DMD: variants seen among roughly 807,000 people sequenced by gnomAD.
The protein encoded by DMD is mutant dystrophin.
In DMD, 63 loss-of-function variants were observed where a neutral mutation model predicts 330.1. The observed-to-expected ratio is 0.19, with a 90% CI of 0.16 to 0.24. The LOEUF (loss-of-function observed/expected upper bound fraction) is 0.24. Among genes scored for constraint, DMD ranks in the 10% least tolerant of loss-of-function variants. The probability of loss-of-function intolerance (pLI) is 1.00; values close to 1 mark genes in which losing one functional copy is unlikely to be tolerated. For missense variants in DMD, 3,344 were observed against 2,684.1 expected (o/e 1.25, Z -5.43); for synonymous variants, 1,223 against 959.8 (o/e 1.27, Z -5.07).
At chrX:32,737,994 A>G in intron 7 of DMD, among the ~76,000 whole-genome samples, 1 of 111,934 alleles carries the variant, frequency 8.9e-6, no homozygotes, top group South Asian at 3.7e-4. Flanking sequence ...AAACGGCTTC[A>G]TATAGAGTTG....
At chrX:31,190,181 G>T (rs761467964) in intron 67 of DMD, among the ~76,000 whole-genome samples, 2 of 111,975 alleles carry the variant, frequency 1.8e-5, no homozygotes, top group South Asian at 7.5e-4. Context: ...CGCCAAATAT[G>T]TTAAATTTAT....
Position 32,156,454 on chromosome X carries a change from C to A in DMD, c.6438+60462G>T, listed in dbSNP as rs771490126. Among the ~76,000 whole-genome samples, 7 of 112,226 alleles carry A rather than the reference C, an allele frequency of 6.2e-5. No individual in the cohort carries two copies. The East Asian group carries it at 2.0e-3, about 32-fold the overall frequency. On this transcript the variant is annotated intron_variant, in intron 44 of 78. Transcript: ENST00000357033. ...CAATACTTAGAAAGTTTGTTGAAAA[C>A]CGTATGTATTATTTGCTTATTGCCC...
At chrX:32,302,253 G>A (rs776596825) in intron 42 of DMD, among the ~76,000 whole-genome samples, 2 of 111,063 alleles carry the variant, frequency 1.8e-5, no homozygotes, top group Non-Finnish European at 1.9e-5. Flanking sequence ...ATGACTTTGC[G>A]CAACTGTAGG....
intron 45 of DMD, among the ~76,000 whole-genome samples, chrX:31,961,673 G>A (rs1180261765): frequency 2.8e-5 from 3 of 108,308 alleles, no homozygotes; most frequent in Non-Finnish European, 3.8e-5. Context: ...GTTAAGATGA[G>A]TCTTAAGGGA....
intron 29 of DMD, 61 bp downstream of exon 29, chrX:32,438,180 C>G (rs2098268642): frequency 9.0e-7 from 1 of 1,111,254 alleles, no homozygotes; most frequent in Admixed American, 2.2e-5. Context: ...ATCTGAGAGG[C>G]CTGTATCTGC....
At chrX:32,691,386 A>T (rs1265209454) in intron 9 of DMD, among the ~76,000 whole-genome samples, 1 of 110,950 alleles carries the variant, frequency 9.0e-6, no homozygotes, top group Non-Finnish European at 1.9e-5. Context: ...TTCTCCAAAG[A>T]CGACACCCAA....
At chrX:32,285,520 C>G (rs2097436717) in intron 43 of DMD, among the ~76,000 whole-genome samples, 1 of 111,283 alleles carries the variant, frequency 9.0e-6, no homozygotes, top group African/African-American at 3.3e-5. Context: ...CTCAAGTGAC[C>G]CTCCTGCCTC....
chrX:31,314,484 G>T (rs185577294), intron 62 of DMD, among the ~76,000 whole-genome samples: 4 of 111,794 alleles, frequency 3.6e-5, no homozygotes, highest in Non-Finnish European at 7.5e-5. Flanking sequence ...AAAAGCAGTT[G>T]AGAGTTTCAG....
rs1432682159 is a variant in DMD at position 32,828,917 on chromosome X, T to C, written c.265-5530A>G. Among the ~76,000 whole-genome samples the C allele has an allele frequency of 4.5e-5, 5 of 111,783 alleles. No homozygotes were observed. In the East Asian group the frequency reaches 1.4e-3, roughly 32 times the overall value. ...GTATCACTGACCTATTACAATTCCA[T>C]GTGTGAATTGTCTGTTAATATGTTT... is the stretch of plus-strand genomic sequence containing the variant. On this transcript the variant is annotated intron_variant, in intron 4 of 78. Coordinates refer to ENST00000357033, the MANE Select transcript of DMD (RefSeq NM_004006.3).
intron 60 of DMD, among the ~76,000 whole-genome samples, chrX:31,387,828 A>T (rs1006286601): frequency 1.8e-5 from 2 of 111,253 alleles, no homozygotes; most frequent in Admixed American, 1.9e-4. Context: ...GTCTTTCCTC[A>T]AATGTCACCT....
At chrX:32,945,907 A>G (rs980236387) in intron 2 of DMD, among the ~76,000 whole-genome samples, 2 of 111,434 alleles carry the variant, frequency 1.8e-5, no homozygotes, top group African/African-American at 3.3e-5. Flanking sequence ...TAAATCTGCT[A>G]TGTTTTATAA....
intron 50 of DMD, among the ~76,000 whole-genome samples, chrX:31,778,538 A>C (rs1009616839): frequency 9.2e-6 from 1 of 108,977 alleles, no homozygotes; most frequent in Non-Finnish European, 1.9e-5. Context: ...AAAGTGTTTC[A>C]AAGGACAGAA....
intron 44 of DMD, among the ~76,000 whole-genome samples, chrX:32,130,923 G>A (rs1046299527): frequency 1.1e-4 from 12 of 112,043 alleles, no homozygotes; most frequent in East Asian, 8.4e-4. Context: ...GCTGGCTCAT[G>A]CCCGTAATCC....
intron 44 of DMD, among the ~76,000 whole-genome samples, chrX:32,205,005 T>TCTCTCTCTCTCA (rs60181300): frequency 1.0e-4 from 3 of 29,240 alleles, no homozygotes; most frequent in African/African-American, 3.4e-4. Flanking sequence ...TCTCTCTCTC[T>TCTCTCTCTCTCA]CACATACACA....
chrX:32,777,285 G>GC (rs2074274945), intron 7 of DMD, among the ~76,000 whole-genome samples: 1 of 52,735 alleles, frequency 1.9e-5, no homozygotes, highest in Non-Finnish European at 3.6e-5. Context: ...GTTGGGGGGG[G>GC]AATCCTACCA....
chrX:32,622,209 G>A (rs2058045271), intron 11 of DMD, among the ~76,000 whole-genome samples: 1 of 111,311 alleles, frequency 9.0e-6, no homozygotes, highest in Non-Finnish European at 1.9e-5. Context: ...TTCTACCTGA[G>A]GCTCCAAAAA....
chrX:33,132,059 A>T (rs2095502814), intron 1 of DMD, among the ~76,000 whole-genome samples: 1 of 111,875 alleles, frequency 8.9e-6, no homozygotes, highest in Non-Finnish European at 1.9e-5. Flanking sequence ...ATAATCCTCA[A>T]CTCCTCTTCA....
chrX:32,736,064 T>G (rs1349965770), intron 7 of DMD, among the ~76,000 whole-genome samples: 2 of 110,811 alleles, frequency 1.8e-5, no homozygotes, highest in African/African-American at 6.6e-5. Context: ...TCAAACAAAT[T>G]TACAAGAAAA....
In DMD at chrX:31,836,784, A is replaced by T. The variant is rs1286570852; in HGVS notation, c.7134T>A (p.Asp2378Glu). 8.3e-7 allele frequency: 1 copy of T among 1,209,838 alleles called. No individual in the cohort carries two copies. Among genetic ancestry groups the T allele is most frequent in the Admixed American group, 2.2e-5 (1 of 45,713 alleles). The part of the protein sequence containing the change: ...TEIAVQAKQP[D>E]VEEILSKGQH... ...GCCCTTTAGACAAAATCTCTTCCAC[A>T]TCCGGTTGTTTAGCTTGAACTGCTA... The change falls in exon 49 of 79, where the codon GAT (aspartate) becomes GAA (glutamate). Residue 2378 changes from aspartate (D) to glutamate (E), a missense_variant. Asp to Glu is a conservative substitution (Grantham distance 45). Coordinates refer to ENST00000357033, the MANE Select transcript of DMD (RefSeq NM_004006.3).
Sources: gnomAD v4.1 joint callset for allele counts (sites outside exome capture counted in the v4.1 genomes callset) on GRCh38, gnomAD v4.1.1 for gene constraint, MANE v1.5 for transcripts, NCBI Gene and HGNC (gene_info 2026-07-23, HGNC 2026-07-21) for gene names.